Variants in KAZN observed in about 807,000 individuals in gnomAD.
KAZN encodes the protein kazrin.
A neutral mutation model predicts 87.4 loss-of-function variants in KAZN; 40 were observed. That is an observed-to-expected ratio of 0.46 (90% CI 0.36 to 0.60). KAZN has a LOEUF of 0.60. KAZN is among the 20% of genes least tolerant of loss of function. The probability of loss-of-function intolerance (pLI) is 0.00; values close to 1 mark genes in which losing one functional copy is unlikely to be tolerated. For missense variants in KAZN, 898 were observed against 1,073.9 expected (o/e 0.84, Z 2.29); for synonymous variants, 466 against 458.3 (o/e 1.02, Z -0.22).
intron 2 of KAZN, among the ~76,000 whole-genome samples, chr1:15,006,778 T>G (rs1270285698): frequency 6.6e-6 from 1 of 151,986 alleles, no homozygotes; most frequent in Non-Finnish European, 1.5e-5. Flanking sequence ...GGGAAGGGGC[T>G]GGGCGCGGTG....
At chr1:14,655,284 C>T (rs1638716771) in intron 1 of KAZN, among the ~76,000 whole-genome samples, 1 of 152,182 alleles carries the variant, frequency 6.6e-6, no homozygotes, top group South Asian at 2.1e-4. Context: ...ACCTCCTCTG[C>T]TCTTTCTGGA....
intron 2 of KAZN, among the ~76,000 whole-genome samples, chr1:14,380,189 A>G (rs1661254436): frequency 6.6e-6 from 1 of 152,214 alleles, no homozygotes; most frequent in Admixed American, 6.5e-5. Flanking sequence ...TAATGCAGAT[A>G]TGACTTAGAC....
upstream of KAZN, among the ~76,000 whole-genome samples, chr1:14,597,194 T>G (rs975736612): frequency 6.6e-6 from 1 of 152,156 alleles, no homozygotes; most frequent in African/African-American, 2.4e-5. Context: ...TTAATGAGGT[T>G]AAGGTCAGGG....
At position 13,895,669 on chromosome 1, in the gene KAZN, C is replaced by T. The variant is rs116403780; in HGVS notation, c.91+1913C>T. ...TTTACAGTCCAGCAGGTATCACAAA[C>T]GAGATCTTAAGTGTATGTGAAAATG... On this transcript the variant is annotated intron_variant, in intron 1 of 16. Transcript: ENST00000636203. Among the ~76,000 whole-genome samples the T allele has an allele frequency of 5.8e-3, 876 of 152,234 alleles. 10 individuals are homozygous for T. The highest frequency in any genetic ancestry group is 0.02 in the African/African-American group (834 of 41,534).
At chr1:14,849,555 T>C (rs1442374492) in intron 1 of KAZN, among the ~76,000 whole-genome samples, 1 of 152,178 alleles carries the variant, frequency 6.6e-6, no homozygotes, top group Non-Finnish European at 1.5e-5. Context: ...TTCCAAAACT[T>C]TGGGAGTTTT....
At position 15,051,423 on chromosome 1, in the gene KAZN, A is replaced by G. The variant is rs1474484953; in HGVS notation, c.727-4668A>G. Reference sequence around the variant, plus strand: ...ACTGCCCAGGCTCAGGGAGCGCATAAGTAATCCTAACTGAGCACTATGGCT... The same window carrying G: ...ACTGCCCAGGCTCAGGGAGCGCATAGGTAATCCTAACTGAGCACTATGGCT... On this transcript the variant is annotated intron_variant, in intron 4 of 14. Coordinates refer to ENST00000376030, the MANE Select transcript of KAZN (RefSeq NM_201628.3). 2.0e-5 allele frequency among the ~76,000 whole-genome samples: 3 copies of G among 152,234 alleles called. No individual in the cohort carries two copies. In the East Asian group the frequency reaches 5.8e-4, roughly 29 times the overall value.
At chr1:14,195,893 CAAAT>C (rs1374044627) in intron 2 of KAZN, among the ~76,000 whole-genome samples, 7 of 152,088 alleles carry the variant, frequency 4.6e-5, no homozygotes, top group Non-Finnish European at 7.4e-5. Flanking sequence ...ACTAGTAAAA[CAAAT>C]AAATTTATGT....
chr1:14,533,440 T>C (rs1468396527), intron 2 of KAZN, among the ~76,000 whole-genome samples: 1 of 152,176 alleles, frequency 6.6e-6, no homozygotes, highest in Admixed American at 6.5e-5. Flanking sequence ...ATATTGGATA[T>C]TGGTAGATTT....
intron 1 of KAZN, among the ~76,000 whole-genome samples, chr1:14,650,586 G>A (rs1638298195): frequency 6.6e-6 from 1 of 152,170 alleles, no homozygotes; most frequent in African/African-American, 2.4e-5. Context: ...ATGGGACCAA[G>A]AGCCAACAGA....
chr1:14,665,051 G>T (rs1639436483), intron 1 of KAZN, among the ~76,000 whole-genome samples: 1 of 152,106 alleles, frequency 6.6e-6, no homozygotes, highest in African/African-American at 2.4e-5. Context: ...CCCAGGCATG[G>T]GACTGGTTCG....
rs76831794 is a variant in KAZN at position 14,465,744 on chromosome 1, G to A, written c.250-133239G>A. ...AGAATTTGTGCCAGCTTCACTTTACGACATGTCAGTTATTCAAATTCTGCT... is the reference window on the plus strand; with the variant it reads ...AGAATTTGTGCCAGCTTCACTTTACAACATGTCAGTTATTCAAATTCTGCT... On this transcript the variant is annotated intron_variant, in intron 2 of 16. Coordinates refer to the KAZN transcript ENST00000636203. 5.6e-3 allele frequency among the ~76,000 whole-genome samples: 860 copies of A among 152,228 alleles called. 11 individuals carry two copies. The highest frequency in any genetic ancestry group is 0.019 in the African/African-American group (794 of 41,534).
chr1:15,103,983 G>A, intron 12 of KAZN, 40 bp from the exon 13 acceptor site: 8 of 1,594,230 alleles, frequency 5.0e-6, no homozygotes, highest in Non-Finnish European at 6.0e-6. Flanking sequence ...CCAGCAGCAT[G>A]GCCCCTGCAG....
In KAZN at chr1:14,916,170, C is replaced by CTTTTTTTTT. The variant is rs71307000; in HGVS notation, c.227-44503_227-44495dup. 1.9e-3 allele frequency among the ~76,000 whole-genome samples: 215 copies of CTTTTTTTTT among 113,558 alleles called. 18 individuals carry two copies. Among genetic ancestry groups the CTTTTTTTTT allele is most frequent in the Middle Eastern group, 7.0e-3 (1 of 142 alleles). The allele number at this position is 113,558 out of a possible 152,430, so 74.5% of individuals were successfully genotyped here. On this transcript the variant is annotated intron_variant, in intron 1 of 14. Coordinates refer to ENST00000376030, the MANE Select transcript of KAZN (RefSeq NM_201628.3). Reference sequence around the variant, plus strand: ...TATTTGTAGTATTTTCACTGTTGTTCTTTTTTTTTTTTTTTTTTTGACAGA... The same window carrying CTTTTTTTTT: ...TATTTGTAGTATTTTCACTGTTGTTCTTTTTTTTTTTTTTTTTTTTTTTTTTTTGACAGA...
chr1:15,006,246 A>G (rs1668986705), intron 2 of KAZN, among the ~76,000 whole-genome samples: 1 of 152,236 alleles, frequency 6.6e-6, no homozygotes, highest in Non-Finnish European at 1.5e-5. Flanking sequence ...GTAAGACTAG[A>G]GGTAGATGAC....
At chr1:14,979,928 G>T (rs943037348) in intron 2 of KAZN, among the ~76,000 whole-genome samples, 8 of 152,056 alleles carry the variant, frequency 5.3e-5, no homozygotes, top group African/African-American at 1.7e-4. Flanking sequence ...TCGCTCTGTT[G>T]CCCAGGCTGG....
At chr1:15,016,801 G>A (rs941422140) in intron 2 of KAZN, among the ~76,000 whole-genome samples, 1 of 152,100 alleles carries the variant, frequency 6.6e-6, no homozygotes, top group Non-Finnish European at 1.5e-5. Flanking sequence ...TCTTCCTCTC[G>A]GCATGTATGG....
In KAZN at chr1:13,947,989, T is replaced by TG. The variant is rs1426740292; in HGVS notation, c.91+54239dup. 3.3e-5 allele frequency among the ~76,000 whole-genome samples: 5 copies of TG among 152,272 alleles called. No homozygotes were observed. In the East Asian group the frequency reaches 7.7e-4, roughly 23 times the overall value. On this transcript the variant is annotated intron_variant, in intron 1 of 16. Coordinates refer to the KAZN transcript ENST00000636203. ...GGTTAGGATGTCAACATATGAATTTTGGGGGGATACAGTTTAGCTCATACC... is the reference window on the plus strand; with the variant it reads ...GGTTAGGATGTCAACATATGAATTTTGGGGGGGATACAGTTTAGCTCATACC...
intron 2 of KAZN, among the ~76,000 whole-genome samples, chr1:14,390,952 G>C (rs1432600470): frequency 6.6e-6 from 1 of 152,216 alleles, no homozygotes; most frequent in Non-Finnish European, 1.5e-5. Flanking sequence ...ACAGCAGTTG[G>C]CAAAGGGCCA....
chr1:15,093,928 C>G (rs1295264994), intron 8 of KAZN, among the ~76,000 whole-genome samples: 1 of 152,178 alleles, frequency 6.6e-6, no homozygotes, highest in Non-Finnish European at 1.5e-5. Context: ...CTTTCACAGT[C>G]ACGTGGGGTG....
Sources: gnomAD v4.1 joint callset for allele counts (sites outside exome capture counted in the v4.1 genomes callset) on GRCh38, gnomAD v4.1.1 for gene constraint, MANE v1.5 for transcripts, NCBI Gene and HGNC (gene_info 2026-07-23, HGNC 2026-07-21) for gene names.